Variants in RERE observed in about 807,000 individuals in gnomAD.
RERE encodes the protein arginine-glutamic acid dipeptide repeats protein.
A neutral mutation model predicts 146.1 loss-of-function variants in RERE; 40 were observed. The ratio of observed to expected loss-of-function variants is 0.27; its 90% CI spans 0.21 to 0.36. RERE has a LOEUF of 0.36. Among genes scored for constraint, RERE ranks in the 10% least tolerant of loss-of-function variants. RERE has a pLI of 1.00. For missense variants in RERE, 1,933 were observed against 2,138.7 expected (o/e 0.90, Z 1.90); for synonymous variants, 1,003 against 866.0 (o/e 1.16, Z -2.78).
At chr1:8,803,244 G>A (rs1296339097) in intron 1 of RERE, among the ~76,000 whole-genome samples, 2 of 152,064 alleles carry the variant, frequency 1.3e-5, no homozygotes, top group African/African-American at 2.4e-5. Flanking sequence ...CTGAGAGGCC[G>A]AGGCGGGAGG....
intron 11 of RERE, among the ~76,000 whole-genome samples, chr1:8,444,307 CTTTT>C (rs1414437298): frequency 6.6e-6 from 1 of 152,166 alleles, no homozygotes; most frequent in Non-Finnish European, 1.5e-5. Flanking sequence ...ATGCCTCTTT[CTTTT>C]GACTGATTTC....
intron 1 of RERE, among the ~76,000 whole-genome samples, chr1:8,745,001 C>G (rs1480032939): frequency 6.6e-6 from 1 of 152,166 alleles, no homozygotes. Context: ...TAGAAACTCT[C>G]AGGTATAAAC....
intron 1 of RERE, among the ~76,000 whole-genome samples, chr1:8,724,593 T>A (rs1012713274): frequency 4.6e-5 from 7 of 152,130 alleles, no homozygotes; most frequent in Non-Finnish European, 1.0e-4. Context: ...ACGCTTGTAA[T>A]CCCAGCACTT....
intron 1 of RERE, among the ~76,000 whole-genome samples, chr1:8,701,778 C>A (rs559642254): frequency 6.6e-6 from 1 of 151,650 alleles, no homozygotes; most frequent in Non-Finnish European, 1.5e-5. Context: ...TTAAACACTA[C>A]TAAATTACAG....
At chr1:8,570,134 C>A (rs1646201792) in intron 4 of RERE, among the ~76,000 whole-genome samples, 1 of 151,832 alleles carries the variant, frequency 6.6e-6, no homozygotes, top group African/African-American at 2.4e-5. Context: ...GTCAAGAGAT[C>A]GAGACCATCC....
intron 6 of RERE, among the ~76,000 whole-genome samples, chr1:8,545,579 T>C (rs1436867534): frequency 1.3e-5 from 2 of 152,182 alleles, no homozygotes; most frequent in Admixed American, 6.5e-5. Flanking sequence ...ACACACAGAA[T>C]GTTTACAGTA....
intron 2 of RERE, among the ~76,000 whole-genome samples, chr1:8,628,931 G>A (rs917948604): frequency 2.0e-5 from 3 of 152,142 alleles, no homozygotes; most frequent in African/African-American, 4.8e-5. Flanking sequence ...CCCAAGCACT[G>A]CATATACTTC....
chr1:8,689,105 G>T (rs1367270939), intron 1 of RERE, among the ~76,000 whole-genome samples: 1 of 150,812 alleles, frequency 6.6e-6, no homozygotes, highest in Admixed American at 6.6e-5. Flanking sequence ...GTAAAAATTT[G>T]ATTTTTTTTT....
chr1:8,477,171 C>CT lies in RERE; in HGVS notation c.1105-11149dup, dbSNP rs1378960169. 5.3e-5 allele frequency among the ~76,000 whole-genome samples: 8 copies of CT among 152,256 alleles called. No homozygotes were observed. In the South Asian group the frequency reaches 1.7e-3, roughly 32 times the overall value. Reference sequence around the variant, plus strand: ...AGTTAACATGTCTACAGCCTGACTTCTTTTTTTATAAATGCGAGATCAGCC... The same window carrying CT: ...AGTTAACATGTCTACAGCCTGACTTCTTTTTTTTATAAATGCGAGATCAGCC... On this transcript the variant is annotated intron_variant, in intron 10 of 22. Transcript: ENST00000400908.
At chr1:8,455,672 T>C (rs1644445898) in intron 11 of RERE, among the ~76,000 whole-genome samples, 1 of 152,076 alleles carries the variant, frequency 6.6e-6, no homozygotes. Flanking sequence ...CAATGTGAGG[T>C]TTCTCTTCTG....
intron 1 of RERE, among the ~76,000 whole-genome samples, chr1:8,695,521 G>T (rs1009607166): frequency 6.7e-6 from 1 of 150,186 alleles, no homozygotes; most frequent in South Asian, 2.1e-4. Context: ...AGGCCCAGGG[G>T]GGCGGATCAC....
chr1:8,522,506 T>C (rs1323055339), intron 7 of RERE, among the ~76,000 whole-genome samples: 2 of 152,152 alleles, frequency 1.3e-5, no homozygotes, highest in African/African-American at 4.8e-5. Context: ...TGGTCTTAGA[T>C]ATATTAGAGT....
chr1:8,647,053 A>C (rs1262901125), intron 2 of RERE, among the ~76,000 whole-genome samples: 1 of 152,208 alleles, frequency 6.6e-6, no homozygotes, highest in East Asian at 1.9e-4. Context: ...GCCATAGCAC[A>C]CCATCCTGGG....
intron 12 of RERE, among the ~76,000 whole-genome samples, chr1:8,387,732 C>T (rs1557604291): frequency 6.6e-6 from 1 of 152,200 alleles, no homozygotes; most frequent in Non-Finnish European, 1.5e-5. Flanking sequence ...AAATTAAAAT[C>T]ACTCAGACAT....
chr1:8,812,886 T>C (rs1028824131), intron 1 of RERE, among the ~76,000 whole-genome samples: 6 of 152,248 alleles, frequency 3.9e-5, no homozygotes, highest in African/African-American at 1.4e-4. Flanking sequence ...AATTGGCCTA[T>C]GCAATCTTAA....
At chr1:8,680,585 G>A (rs117926763) in intron 1 of RERE, among the ~76,000 whole-genome samples, 1 of 152,276 alleles carries the variant, frequency 6.6e-6, no homozygotes, top group East Asian at 1.9e-4. Context: ...GAAGACAGAG[G>A]AGGAGTCTGA....
intron 1 of RERE, among the ~76,000 whole-genome samples, chr1:8,664,097 C>T (rs1184061549): frequency 6.6e-6 from 1 of 152,182 alleles, no homozygotes; most frequent in Non-Finnish European, 1.5e-5. Flanking sequence ...AAGGCAAGGA[C>T]CATGTCTACC....
intron 4 of RERE, among the ~76,000 whole-genome samples, chr1:8,577,198 T>C (rs1031031019): frequency 2.6e-5 from 4 of 151,938 alleles, no homozygotes; most frequent in African/African-American, 7.3e-5. Context: ...AAATTTCATA[T>C]GACTTTTGAA....
At chr1:8,391,265 T>C (rs1405026405) in intron 12 of RERE, among the ~76,000 whole-genome samples, 1 of 152,208 alleles carries the variant, frequency 6.6e-6, no homozygotes, top group Non-Finnish European at 1.5e-5. Context: ...AAGTTGTACA[T>C]ACTTGGGTAA....
Sources: allele counts gnomAD v4.1 joint callset (sites outside exome capture counted in the v4.1 genomes callset), GRCh38; gene constraint gnomAD v4.1.1; transcripts MANE v1.5; gene names NCBI Gene and HGNC (gene_info 2026-07-23, HGNC 2026-07-21).